Variants in ARHGEF6 observed in about 807,000 individuals in gnomAD.
ARHGEF6 encodes rho guanine nucleotide exchange factor 6.
Under a neutral mutation model 70.3 loss-of-function variants are expected in ARHGEF6, and 9 were observed. The observed-to-expected ratio is 0.13, with a 90% confidence interval of 0.08 to 0.22. ARHGEF6 has a LOEUF of 0.22. ARHGEF6 is among the 10% of genes least tolerant of loss of function. The pLI is 1.00. For synonymous variants in ARHGEF6, 201 were observed against 207.8 expected (o/e 0.97, Z 0.28); for missense variants, 470 against 563.0 (o/e 0.83, Z 1.67).
chrX:136,667,920 A>C lies in ARHGEF6; in HGVS notation c.*109T>G, dbSNP rs1238473764. ...AAGAGAGAGGGAGAGAGAGAGAGAG[A>C]CTCAAACACAAAACAAAAGCCAAAG... On this transcript the variant is annotated 3_prime_UTR_variant, in exon 22 of 22. Coordinates refer to ENST00000250617, the MANE Select transcript of ARHGEF6 (RefSeq NM_004840.3). 1.0e-6 allele frequency: 1 copy of C among 985,925 alleles called. No individual in the cohort carries two copies. The highest frequency in any genetic ancestry group is 1.4e-6 in the Non-Finnish European group (1 of 699,094). 81.3% of individuals were successfully genotyped at this position (985,925 alleles called of 1,213,427 possible).
In ARHGEF6 at chrX:136,743,599, T is replaced by C. The variant is rs139422484; in HGVS notation, c.647A>G (p.Glu216Gly). 4.0e-5 allele frequency: 49 copies of C among 1,209,964 alleles called. No individual in the cohort carries two copies. The highest frequency in any genetic ancestry group is 5.3e-5 in the Non-Finnish European group (47 of 895,028). ...ACTTCACTTACCACTGGATTTAATTTCACGGACATAATTACTGGGGAACCA... is the reference window on the plus strand; with the variant it reads ...ACTTCACTTACCACTGGATTTAATTCCACGGACATAATTACTGGGGAACCA... ...TGWFPSNYVR[E>G]IKSSERPLSP... Residue 216 changes from glutamate to glycine, a missense_variant, in exon 5 of 22, where the codon GAA (glutamate) becomes GGA (glycine). Coordinates refer to ENST00000250617, the MANE Select transcript of ARHGEF6 (RefSeq NM_004840.3).
intron 19 of ARHGEF6, among the ~76,000 whole-genome samples, chrX:136,673,574 G>A (rs1013062359): frequency 9.0e-6 from 1 of 111,414 alleles, no homozygotes; most frequent in African/African-American, 3.3e-5. Flanking sequence ...ATAAAAATAG[G>A]TGGTGCGGGA....
chrX:136,704,341 A>C (rs1243281959), intron 9 of ARHGEF6, among the ~76,000 whole-genome samples: 4 of 112,316 alleles, frequency 3.6e-5, no homozygotes, highest in Non-Finnish European at 7.5e-5. Flanking sequence ...ATTTTATGTT[A>C]TATAAATTAT....
At chrX:136,714,921 A>G (rs1171837545) in intron 6 of ARHGEF6, among the ~76,000 whole-genome samples, 2 of 112,081 alleles carry the variant, frequency 1.8e-5, no homozygotes, top group African/African-American at 6.5e-5. Flanking sequence ...AAAGGGTTAA[A>G]AAAGGGTTTC....
chrX:136,690,598 A>C lies in ARHGEF6; in HGVS notation c.1185+12T>G. ...TTGGCACACGAGCTTGAAAAAGTTC[A>C]CCTTCCCTTACCTCCATATGCCGTT... On this transcript the variant is annotated intron_variant, in intron 10 of 21. Transcript: ENST00000250617. 1.5e-5 allele frequency: 18 copies of C among 1,210,297 alleles called. No homozygotes were observed. The highest frequency in any genetic ancestry group is 2.0e-5 in the Non-Finnish European group (18 of 894,884).
At chrX:136,674,955 A>G (rs2076263232) in intron 19 of ARHGEF6, 52 bp downstream of exon 19, 5 of 1,103,880 alleles carry the variant, frequency 4.5e-6, no homozygotes, top group Non-Finnish European at 6.3e-6. Flanking sequence ...AAGACACTAA[A>G]CAGTAAGGAA....
chrX:136,751,307 C>T (rs1299686869), intron 2 of ARHGEF6, among the ~76,000 whole-genome samples: 3 of 111,713 alleles, frequency 2.7e-5, no homozygotes, highest in Non-Finnish European at 5.6e-5. Context: ...CAAATAGAAC[C>T]TTTTGGAGTA....
chrX:136,692,025 T>C (rs1417319814), intron 9 of ARHGEF6, among the ~76,000 whole-genome samples: 3 of 111,009 alleles, frequency 2.7e-5, no homozygotes, highest in Non-Finnish European at 3.8e-5. Flanking sequence ...AGTAATAAAG[T>C]ACTAGGAGGC....
Position 136,756,718 on chromosome X carries a change from T to C in ARHGEF6, c.250-9126A>G, listed in dbSNP as rs2077211489. Among the ~76,000 whole-genome samples the C allele has an allele frequency of 2.7e-5, 3 of 112,640 alleles. No individual in the cohort carries two copies. The South Asian group carries it at 1.1e-3, about 41-fold the overall frequency. ...CTGTGCCAAAGTTATTATTATTTTCTCTCTTTACTTAGAGATTACCTTCAG... is the reference window on the plus strand; with the variant it reads ...CTGTGCCAAAGTTATTATTATTTTCCCTCTTTACTTAGAGATTACCTTCAG... On this transcript the variant is annotated intron_variant, in intron 2 of 21. Transcript: ENST00000250617.
intron 6 of ARHGEF6, among the ~76,000 whole-genome samples, chrX:136,724,703 C>T (rs1003555726): frequency 2.7e-5 from 3 of 110,619 alleles, no homozygotes; most frequent in African/African-American, 3.3e-5. Context: ...TTGCCCAGGC[C>T]GGTCTTGAAT....
chrX:136,694,613 CCTCTT>C (rs912448484), intron 9 of ARHGEF6, among the ~76,000 whole-genome samples: 3 of 111,615 alleles, frequency 2.7e-5, no homozygotes, highest in African/African-American at 9.8e-5. Flanking sequence ...AGCACCAACT[CCTCTT>C]CTCTCTGATC....
intron 2 of ARHGEF6, among the ~76,000 whole-genome samples, chrX:136,764,011 C>G (rs1020030901): frequency 4.5e-5 from 5 of 111,082 alleles, no homozygotes; most frequent in African/African-American, 1.6e-4. Context: ...AGAAGACTGT[C>G]CAGAAGATTC....
rs1052709684 is a variant in ARHGEF6 at position 136,665,750 on chromosome X, C to T, written c.*2279G>A. On this transcript the variant is annotated 3_prime_UTR_variant, in exon 22 of 22. Transcript: ENST00000250617. ...AGTATTGTAAACAACACAACTATGGCGACACTGCTCTCAGATTAACATGGC... is the reference window on the plus strand; with the variant it reads ...AGTATTGTAAACAACACAACTATGGTGACACTGCTCTCAGATTAACATGGC... 3.2e-4 allele frequency: 36 copies of T among 111,516 alleles called. No individual in the cohort carries two copies. The highest frequency in any genetic ancestry group is 1.1e-3 in the African/African-American group (33 of 30,586). 9.2% of individuals were successfully genotyped at this position (111,516 alleles called of 1,213,427 possible).
At position 136,667,355 on chromosome X, in the gene ARHGEF6, A is replaced by C. The variant is rs753964585; in HGVS notation, c.*674T>G. The C allele has an allele frequency of 8.9e-6, 1 of 112,399 alleles. No individual in the cohort carries two copies. Among genetic ancestry groups the C allele is most frequent in the Non-Finnish European group, 1.9e-5 (1 of 53,303 alleles). The allele number at this position is 112,399 out of a possible 1,213,427, so 9.3% of individuals were successfully genotyped here. On this transcript the variant is annotated 3_prime_UTR_variant, in exon 22 of 22. Transcript: ENST00000250617. ...CTGAGTTACAATTTACATGACACAA[A>C]AGGAATAAGGGTACTACAGTTTTCT...
At chrX:136,688,379 AATG>A (rs1301630146) in intron 10 of ARHGEF6, among the ~76,000 whole-genome samples, 1 of 111,112 alleles carries the variant, frequency 9.0e-6, no homozygotes. Flanking sequence ...TACTTTGGAT[AATG>A]ATTATTTAAT....
intron 2 of ARHGEF6, among the ~76,000 whole-genome samples, chrX:136,759,861 A>G (rs1345413479): frequency 8.9e-6 from 1 of 112,212 alleles, no homozygotes; most frequent in Non-Finnish European, 1.9e-5. Flanking sequence ...CCAAGAAAGT[A>G]TAAAGCTTGG....
At chrX:136,669,909 T>C (rs917594023) in intron 20 of ARHGEF6, among the ~76,000 whole-genome samples, 1 of 112,339 alleles carries the variant, frequency 8.9e-6, no homozygotes, top group African/African-American at 3.2e-5. Flanking sequence ...GATATATGTA[T>C]ACATTGTGAA....
At chrX:136,669,812 A>C (rs543577346) in intron 20 of ARHGEF6, among the ~76,000 whole-genome samples, 3 of 111,947 alleles carry the variant, frequency 2.7e-5, no homozygotes, top group African/African-American at 6.5e-5. Context: ...GGTGAACAAA[A>C]CACAAGAGAC....
chrX:136,740,757 T>A (rs1018479471), intron 5 of ARHGEF6, among the ~76,000 whole-genome samples: 11 of 111,729 alleles, frequency 9.8e-5, no homozygotes, highest in African/African-American at 3.6e-4. Context: ...ACTTCCCAGG[T>A]CCCCTCGCAG....
Sources: gnomAD v4.1 joint callset for allele counts (sites outside exome capture counted in the v4.1 genomes callset) on GRCh38, gnomAD v4.1.1 for gene constraint, MANE v1.5 for transcripts, NCBI Gene and HGNC (gene_info 2026-07-23, HGNC 2026-07-21) for gene names.